GINM1: variants seen among roughly 807,000 people sequenced by gnomAD.
The protein encoded by GINM1 is glycosylated integral membrane protein 1.
Under a neutral mutation model 37.8 loss-of-function variants are expected in GINM1, and 29 were observed. The observed-to-expected ratio is 0.77, with a 90% CI of 0.57 to 1.05. GINM1 has a LOEUF of 1.05. Ranked by LOEUF, GINM1 falls within the 50% of genes least tolerant of loss-of-function variation. The pLI is 0.00. For synonymous variants in GINM1, 143 were observed against 146.2 expected (o/e 0.98, Z 0.16); for missense variants, 377 against 397.9 (o/e 0.95, Z 0.45).
intron 1 of GINM1, among the ~76,000 whole-genome samples, chr6:149,568,898 C>G (rs1276387552): frequency 6.6e-6 from 1 of 152,140 alleles, no homozygotes; most frequent in Non-Finnish European, 1.5e-5. Flanking sequence ...GTGGCATGAT[C>G]TCGGCTCACT....
At chr6:149,568,122 T>A (rs1008543899) in intron 1 of GINM1, among the ~76,000 whole-genome samples, 1 of 152,228 alleles carries the variant, frequency 6.6e-6, no homozygotes, top group Admixed American at 6.5e-5. Flanking sequence ...GAAATTCACA[T>A]ATTACGCTGG....
intron 7 of GINM1, among the ~76,000 whole-genome samples, chr6:149,590,409 G>A (rs533261305): frequency 3.3e-5 from 5 of 152,330 alleles, no homozygotes; most frequent in African/African-American, 1.2e-4. Flanking sequence ...TATTTAGAGA[G>A]AGGCTTAGGC....
chr6:149,584,646 CAA>C (rs1284319241), intron 7 of GINM1: 2 of 152,030 alleles, frequency 1.3e-5, no homozygotes, highest in Admixed American at 6.6e-5. Context: ...TGCTTAGAAC[CAA>C]AAGTGTTTCA....
intron 3 of GINM1, among the ~76,000 whole-genome samples, chr6:149,574,354 CTTG>C (rs1320894273): frequency 6.7e-6 from 1 of 149,340 alleles, no homozygotes; most frequent in African/African-American, 2.4e-5. Flanking sequence ...GCCCGGCCCA[CTTG>C]TTGTTTCTGT....
intron 1 of GINM1, 135 bp from the exon 2 acceptor site, chr6:149,572,150 G>T: frequency 2.3e-6 from 1 of 437,258 alleles, no homozygotes; most frequent in Non-Finnish European, 4.1e-6. Context: ...AAATGGAAAA[G>T]ATGATCTTTT....
intron 1 of GINM1, among the ~76,000 whole-genome samples, chr6:149,568,938 TC>T: frequency 6.6e-6 from 1 of 152,090 alleles, no homozygotes; most frequent in Middle Eastern, 3.4e-3. Context: ...TTCAAGTGAT[TC>T]TCCTATCTCA....
chr6:149,569,787 C>T (rs1243826652), intron 1 of GINM1, among the ~76,000 whole-genome samples: 1 of 152,032 alleles, frequency 6.6e-6, no homozygotes, highest in African/African-American at 2.4e-5. Flanking sequence ...TACCTTTATT[C>T]TTAGGAAGAC....
At chr6:149,570,143 TATATATATATA>T (rs1562269775) in intron 1 of GINM1, among the ~76,000 whole-genome samples, 48 of 8,424 alleles carry the variant, frequency 5.7e-3, no homozygotes, top group African/African-American at 7.5e-3. Flanking sequence ...GTTTTATATA[TATATATATATA>T]TATATATATA....
intron 1 of GINM1, among the ~76,000 whole-genome samples, chr6:149,570,288 T>C (rs1003914738): frequency 2.7e-5 from 4 of 149,954 alleles, no homozygotes; most frequent in Non-Finnish European, 5.9e-5. Flanking sequence ...GAGGCTTACT[T>C]CTGGGCTGTT....
At position 149,575,124 on chromosome 6, in the gene GINM1, A is replaced by G. The variant is rs73781236; in HGVS notation, c.277+2521A>G. Among the ~76,000 whole-genome samples the G allele has an allele frequency of 8.9e-3, 1,349 of 152,112 alleles. 22 individuals carry two copies. The highest frequency in any genetic ancestry group is 0.031 in the African/African-American group (1,292 of 41,466). ...TTCCTTCCTATCTGTGCTCCACTCT[A>G]TATCATTTGGTTGGAATTTCAAGTT... On this transcript the variant is annotated intron_variant, in intron 3 of 7. Coordinates refer to ENST00000367419, the MANE Select transcript of GINM1 (RefSeq NM_138785.5).
At chr6:149,584,571 A>G (rs1286677935) in intron 7 of GINM1, 1 of 152,122 alleles carries the variant, frequency 6.6e-6, no homozygotes, top group African/African-American at 2.4e-5. Context: ...CCCACCTCTT[A>G]GTTTACATTT....
chr6:149,566,495 G>C lies in GINM1; in HGVS notation c.81G>C (p.Thr27=). The change falls in exon 1 of 8, where the codon ACG becomes ACC. Residue 27 remains threonine (T), a synonymous_variant. Transcript: ENST00000367419. The surrounding 1 kb of genome is among the most constrained non-coding windows in gnomAD (Gnocchi z 4.4). ...VALPASGWLT[T]GAPEPPPLSG... ...TACCCGCCTCCGGCTGGCTGACGAC[G>C]GGCGCCCCCGAGCCGCCGCCGCTGT... The C allele has an allele frequency of 6.5e-7, 1 of 1,540,168 alleles. No individual in the cohort carries two copies. Among genetic ancestry groups the C allele is most frequent in the Admixed American group, 1.9e-5 (1 of 51,598 alleles).
chr6:149,589,623 C>T (rs1218928840), intron 7 of GINM1, among the ~76,000 whole-genome samples: 6 of 152,098 alleles, frequency 3.9e-5, no homozygotes, highest in African/African-American at 7.2e-5. Flanking sequence ...AGCTAGAGTT[C>T]TCATTTTGTT....
intron 1 of GINM1, among the ~76,000 whole-genome samples, chr6:149,571,712 C>T (rs1777824850): frequency 6.6e-6 from 1 of 151,640 alleles, no homozygotes; most frequent in African/African-American, 2.4e-5. Context: ...TACAGGAGTG[C>T]TCATCTTTTA....
intron 7 of GINM1, among the ~76,000 whole-genome samples, chr6:149,589,722 C>T (rs1423254652): frequency 1.3e-5 from 2 of 152,146 alleles, no homozygotes; most frequent in East Asian, 3.8e-4. Context: ...ATATGTTAGT[C>T]TTTTTCTGGA....
chr6:149,574,278 C>G (rs1323797499), intron 3 of GINM1, among the ~76,000 whole-genome samples: 2 of 152,132 alleles, frequency 1.3e-5, no homozygotes, highest in African/African-American at 2.4e-5. Flanking sequence ...TCTCGAACTC[C>G]TGACCTCAGG....
chr6:149,581,011 G>A (rs1407474434), intron 6 of GINM1, among the ~76,000 whole-genome samples: 1 of 152,048 alleles, frequency 6.6e-6, no homozygotes, highest in African/African-American at 2.4e-5. Flanking sequence ...TGTTTATTCT[G>A]TACCCGCTAC....
chr6:149,571,081 C>T (rs1286329344), intron 1 of GINM1, among the ~76,000 whole-genome samples: 7 of 151,854 alleles, frequency 4.6e-5, no homozygotes, highest in African/African-American at 1.7e-4. Context: ...TTTGGGAGGC[C>T]GAGGTGGGTG....
In GINM1 at chr6:149,584,896, A is replaced by T. The variant is rs536778559; in HGVS notation, c.881+2293A>T. On this transcript the variant is annotated intron_variant, in intron 7 of 7. Transcript: ENST00000367419. ...GGTTGGTCTTGAACTCTTGGCCTCAAGTTGTCCTCCTGCCTTGGCCTCCCA... is the reference window on the plus strand; with the variant it reads ...GGTTGGTCTTGAACTCTTGGCCTCATGTTGTCCTCCTGCCTTGGCCTCCCA... Among the ~76,000 whole-genome samples, 5 of 151,922 alleles carry T rather than the reference A, an allele frequency of 3.3e-5. No homozygotes were observed. The South Asian group carries it at 1.0e-3, about 32-fold the overall frequency.
Sources: allele counts gnomAD v4.1 joint callset (sites outside exome capture counted in the v4.1 genomes callset), GRCh38; gene constraint gnomAD v4.1.1; non-coding constraint Gnocchi (gnomAD v3.1); transcripts MANE v1.5; gene names NCBI Gene and HGNC (gene_info 2026-07-23, HGNC 2026-07-21).